PARD3B: variants seen among roughly 807,000 people sequenced by gnomAD.
The protein encoded by PARD3B is partitioning defective 3 homolog B.
Under a neutral mutation model 130.2 loss-of-function variants are expected in PARD3B, and 103 were observed. That is an observed-to-expected ratio of 0.79 (90% confidence interval 0.67 to 0.93). The LOEUF is 0.93. Among genes scored for constraint, PARD3B ranks in the 40% least tolerant of loss-of-function variants. The pLI is 0.00. For synonymous variants in PARD3B, 583 were observed against 553.2 expected, an observed-to-expected ratio of 1.05 and a Z score of -0.76; for missense variants, 1,609 against 1,499.2, an observed-to-expected ratio of 1.07 and a Z score of -1.21.
chr2:204,897,563 C>T (rs137929964), intron 2 of PARD3B, among the ~76,000 whole-genome samples: 1 of 151,982 alleles, frequency 6.6e-6, no homozygotes, highest in African/African-American at 2.4e-5. Context: ...CCTGTGTACT[C>T]TTTATCCAGT....
intron 21 of PARD3B, among the ~76,000 whole-genome samples, chr2:205,532,340 G>A (rs2051636324): frequency 6.6e-6 from 1 of 152,068 alleles, no homozygotes; most frequent in Admixed American, 6.5e-5. Context: ...GAACACAGGT[G>A]TCATAAAAGG....
intron 4 of PARD3B, among the ~76,000 whole-genome samples, chr2:205,096,036 A>G (rs1037458287): frequency 3.9e-5 from 6 of 152,232 alleles, no homozygotes; most frequent in African/African-American, 1.4e-4. Context: ...AGTTGTATAG[A>G]AATTAGTATG....
chr2:204,582,029 G>A (rs930489354), intron 1 of PARD3B, among the ~76,000 whole-genome samples: 2 of 152,176 alleles, frequency 1.3e-5, no homozygotes, highest in Non-Finnish European at 1.5e-5. Context: ...CATGCAGAAG[G>A]AGCTTGGTGA....
At chr2:205,220,363 T>G (rs984198687) in intron 15 of PARD3B, among the ~76,000 whole-genome samples, 14 of 152,242 alleles carry the variant, frequency 9.2e-5, no homozygotes, top group African/African-American at 3.1e-4. Flanking sequence ...GGTTCCTCAT[T>G]TTAGGCTGCT....
intron 2 of PARD3B, among the ~76,000 whole-genome samples, chr2:204,700,425 G>A (rs930535154): frequency 6.6e-6 from 1 of 152,066 alleles, no homozygotes; most frequent in South Asian, 2.1e-4. Context: ...TTGGTCAGTA[G>A]CACACCTTAT....
intron 19 of PARD3B, among the ~76,000 whole-genome samples, chr2:205,406,087 A>G (rs1326965625): frequency 6.6e-6 from 1 of 152,196 alleles, no homozygotes; most frequent in East Asian, 1.9e-4. Context: ...AAGTCTTATT[A>G]AAAATGTTGA....
chr2:205,195,830 T>TAA (rs368949823), intron 15 of PARD3B, among the ~76,000 whole-genome samples: 1 of 151,092 alleles, frequency 6.6e-6, no homozygotes, highest in Non-Finnish European at 1.5e-5. Context: ...GTTCAAAATT[T>TAA]AAAAAAAAAA....
At chr2:205,159,451 C>T (rs2034378318) in intron 11 of PARD3B, among the ~76,000 whole-genome samples, 1 of 152,156 alleles carries the variant, frequency 6.6e-6, no homozygotes, top group African/African-American at 2.4e-5. Flanking sequence ...GAAGGAAGAT[C>T]ATGCTTCAGT....
intron 15 of PARD3B, among the ~76,000 whole-genome samples, chr2:205,199,197 A>G (rs1267454924): frequency 2.0e-5 from 3 of 152,176 alleles, no homozygotes; most frequent in Non-Finnish European, 4.4e-5. Context: ...GATGTGGTAA[A>G]TAAATGAAAG....
intron 15 of PARD3B, among the ~76,000 whole-genome samples, chr2:205,225,312 A>G (rs887886483): frequency 1.2e-4 from 18 of 152,168 alleles, no homozygotes; most frequent in African/African-American, 3.6e-4. Flanking sequence ...AACTGGGGTG[A>G]GATGACATCT....
intron 2 of PARD3B, among the ~76,000 whole-genome samples, chr2:204,820,071 CTTTTTTTTTTT>C (rs557143420): frequency 2.0e-5 from 2 of 98,428 alleles, no homozygotes; most frequent in Non-Finnish European, 3.7e-5. Context: ...AAACAATAGA[CTTTTTTTTTTT>C]TTTTTTTTTT....
At chr2:205,435,740 C>A (rs2047490239) in intron 19 of PARD3B, among the ~76,000 whole-genome samples, 1 of 151,960 alleles carries the variant, frequency 6.6e-6, no homozygotes, top group Non-Finnish European at 1.5e-5. Flanking sequence ...AAATTACTTC[C>A]TTATTAACTT....
At chr2:205,556,079 G>A (rs921909595) in intron 22 of PARD3B, among the ~76,000 whole-genome samples, 1 of 151,998 alleles carries the variant, frequency 6.6e-6, no homozygotes, top group Non-Finnish European at 1.5e-5. Flanking sequence ...CAGCTCCACC[G>A]CTGTCTCCTT....
At chr2:205,138,469 A>T (rs2032679930) in intron 10 of PARD3B, among the ~76,000 whole-genome samples, 1 of 152,204 alleles carries the variant, frequency 6.6e-6, no homozygotes, top group Non-Finnish European at 1.5e-5. Context: ...CTGAATTGGC[A>T]TTGAAGAATA....
intron 18 of PARD3B, among the ~76,000 whole-genome samples, chr2:205,346,373 C>T (rs2043791957): frequency 6.6e-6 from 1 of 151,934 alleles, no homozygotes; most frequent in Admixed American, 6.6e-5. Context: ...CCTTGCCTCC[C>T]CACAGCTGAG....
chr2:205,500,495 T>C (rs1482994083), intron 21 of PARD3B, among the ~76,000 whole-genome samples: 1 of 152,142 alleles, frequency 6.6e-6, no homozygotes, highest in African/African-American at 2.4e-5. Flanking sequence ...GATGGATTTG[T>C]TTTGAGATAA....
At chr2:205,442,909 T>G (rs1283782300) in intron 20 of PARD3B, among the ~76,000 whole-genome samples, 4 of 152,192 alleles carry the variant, frequency 2.6e-5, no homozygotes, top group Non-Finnish European at 5.9e-5. Flanking sequence ...CTCTGACCCC[T>G]TTATATTAAA....
chr2:205,566,478 G>A (rs564975812), intron 22 of PARD3B, among the ~76,000 whole-genome samples: 4 of 152,160 alleles, frequency 2.6e-5, no homozygotes, highest in African/African-American at 9.7e-5. Context: ...GAAGCCAGGT[G>A]TTAAGAATGG....
At chr2:204,654,034 CTT>C (rs1032984117) in intron 1 of PARD3B, among the ~76,000 whole-genome samples, 3 of 151,154 alleles carry the variant, frequency 2.0e-5, no homozygotes, top group Non-Finnish European at 4.4e-5. Flanking sequence ...AAAAATTCCT[CTT>C]GTGTGTCTTC....
Sources: gnomAD v4.1 joint callset for allele counts (sites outside exome capture counted in the v4.1 genomes callset) on GRCh38, gnomAD v4.1.1 for gene constraint, MANE v1.5 for transcripts, NCBI Gene and HGNC (gene_info 2026-07-23, HGNC 2026-07-21) for gene names.